Variants in PAPOLA observed in about 807,000 individuals in gnomAD.
The protein encoded by PAPOLA is poly(A) polymerase alpha.
Under a neutral mutation model 100.6 loss-of-function variants are expected in PAPOLA, and 15 were observed. The observed-to-expected ratio is 0.15, with a 90% CI of 0.10 to 0.23. The LOEUF (loss-of-function observed/expected upper bound fraction) is 0.23, where lower values mean the gene tolerates loss of function less well. Ranked by LOEUF, PAPOLA falls within the 10% of genes least tolerant of loss-of-function variation. The probability of loss-of-function intolerance (pLI) is 1.00; values close to 1 mark genes in which losing one functional copy is unlikely to be tolerated. For missense variants in PAPOLA, 533 were observed against 884.2 expected (o/e 0.60, Z 5.04); for synonymous variants, 293 against 300.0 (o/e 0.98, Z 0.24).
intron 7 of PAPOLA, 172 bp from the exon 8 acceptor site, chr14:96,532,159 T>A (rs1475348423): frequency 1.3e-5 from 18 of 1,388,456 alleles, no homozygotes; most frequent in Non-Finnish European, 1.7e-5. Flanking sequence ...CTTTATTGAA[T>A]TAGCTTTACT....
In PAPOLA at chr14:96,565,852, C is replaced by T. The variant is rs1345947131; in HGVS notation, c.*802C>T. On this transcript the variant is annotated 3_prime_UTR_variant, in exon 22 of 22. Coordinates refer to ENST00000216277, the MANE Select transcript of PAPOLA (RefSeq NM_032632.5). ...ACAAACAAACAAAAAAAGCTTCTTG[C>T]GCCTTTCCCTCCCCTGTTTTCTTCC... 8 of 398,484 alleles carry T rather than the reference C, an allele frequency of 2.0e-5. No individual in the cohort carries two copies. Among genetic ancestry groups the T allele is most frequent in the Admixed American group, 8.8e-5 (2 of 22,718 alleles). 24.7% of individuals were successfully genotyped at this position (398,484 alleles called of 1,614,324 possible). A position where few individuals can be genotyped will look rare whatever the true frequency, so the allele number is the denominator to read the frequency against.
At position 96,565,912 on chromosome 14, in the gene PAPOLA, T is replaced by TA. The variant is rs1490022914; in HGVS notation, c.*863dup. The TA allele has an allele frequency of 2.5e-6, 1 of 398,442 alleles. No homozygotes were observed. The highest frequency in any genetic ancestry group is 1.3e-4 in the South Asian group (1 of 7,858). The allele number at this position is 398,442 out of a possible 1,614,324, so 24.7% of individuals were successfully genotyped here. On this transcript the variant is annotated 3_prime_UTR_variant, in exon 22 of 22. Transcript: ENST00000216277. ...TTGCTTGTATGCACAAGGTAGGACT[T>TA]ACTTCGTAAGAAACAAAATGCCAGT...
intron 19 of PAPOLA, 30 bp downstream of exon 19, chr14:96,556,443 C>A: frequency 7.5e-7 from 1 of 1,338,518 alleles, no homozygotes; most frequent in Non-Finnish European, 1.1e-6. Context: ...ATTAGTTAGC[C>A]ATGGCAACAC....
chr14:96,519,135 T>C (rs1211590731), intron 1 of PAPOLA, among the ~76,000 whole-genome samples: 2 of 151,286 alleles, frequency 1.3e-5, no homozygotes, highest in Non-Finnish European at 2.9e-5. Flanking sequence ...CAGCATGTTA[T>C]CCAGGCTGGC....
intron 10 of PAPOLA, 186 bp downstream of exon 10, chr14:96,534,749 G>A (rs1899374871): frequency 1.4e-6 from 2 of 1,402,024 alleles, no homozygotes; most frequent in Non-Finnish European, 1.9e-6. Flanking sequence ...GCATAATTAT[G>A]TACCCTGTAA....
At position 96,535,935 on chromosome 14, in the gene PAPOLA, A is replaced by G. The variant is rs769438556; in HGVS notation, c.966A>G (p.Gln322=). The change falls in exon 11 of 22, where the codon CAA becomes CAG. Residue 322 remains glutamine, a synonymous_variant. Coordinates refer to ENST00000216277, the MANE Select transcript of PAPOLA (RefSeq NM_032632.5). ...LMPIITPAYP[Q]QNSTYNVSVS... is the part of the protein sequence containing the mutation. The stretch of plus-strand genomic sequence containing the variant: ...CTATAATTACACCAGCATACCCACA[A>G]CAGAACTCCACGTACAATGTGTCCG... The G allele has an allele frequency of 5.6e-6, 9 of 1,609,248 alleles. No individual in the cohort carries two copies. In the African/African-American group the frequency reaches 1.1e-4, roughly 19 times the overall value.
intron 3 of PAPOLA, among the ~76,000 whole-genome samples, chr14:96,522,331 C>G (rs1048507962): frequency 1.3e-5 from 2 of 151,734 alleles, no homozygotes; most frequent in Non-Finnish European, 2.9e-5. Context: ...CGTTGACCAG[C>G]TGGTCTCAAA....
Position 96,542,779 on chromosome 14 carries a change from G to A in PAPOLA, c.1175G>A (p.Gly392Asp), listed in dbSNP as rs1378103532. Reference protein sequence around the residue: ...PTEKQRLEWVGLVESKIRILV... With the variant: ...PTEKQRLEWVDLVESKIRILV... ...ACTAAGTGACATTTGTTCAGGGTGG[G>A]CTTGGTGGAATCAAAAATCCGAATC... The change falls in exon 14 of 22, where the codon GGC (glycine) becomes GAC (aspartate). Residue 392 changes from glycine to aspartate, a missense_variant. Coordinates refer to ENST00000216277, the MANE Select transcript of PAPOLA (RefSeq NM_032632.5). The A allele has an allele frequency of 6.2e-7, 1 of 1,608,940 alleles. No individual in the cohort carries two copies. Among genetic ancestry groups the A allele is most frequent in the Admixed American group, 1.7e-5 (1 of 58,562 alleles).
chr14:96,564,668 G>T (rs1902138503), intron 21 of PAPOLA, among the ~76,000 whole-genome samples: 1 of 151,974 alleles, frequency 6.6e-6, no homozygotes, highest in Non-Finnish European at 1.5e-5. Context: ...TATATGATAG[G>T]TGATTCTTAG....
intron 12 of PAPOLA, among the ~76,000 whole-genome samples, chr14:96,541,133 C>G (rs2140301584): frequency 6.6e-6 from 1 of 152,270 alleles, no homozygotes; most frequent in Admixed American, 6.5e-5. Flanking sequence ...TGTGATCCGC[C>G]CGCCTCGGCC....
intron 19 of PAPOLA, among the ~76,000 whole-genome samples, chr14:96,558,990 C>T (rs1901584917): frequency 6.6e-6 from 1 of 151,478 alleles, no homozygotes; most frequent in Admixed American, 6.6e-5. Flanking sequence ...ATTCCCTCCT[C>T]CATCCCTCCC....
At chr14:96,530,297 A>C (rs992220850) in intron 6 of PAPOLA, among the ~76,000 whole-genome samples, 9 of 152,266 alleles carry the variant, frequency 5.9e-5, no homozygotes, top group Admixed American at 5.2e-4. Context: ...AACTTAATAC[A>C]TCAAACTTGA....
At chr14:96,543,892 A>G (rs1031189135) in intron 14 of PAPOLA, among the ~76,000 whole-genome samples, 15 of 152,052 alleles carry the variant, frequency 9.9e-5, no homozygotes, top group Admixed American at 3.3e-4. Flanking sequence ...GTTCTTTAGA[A>G]TCATCATTAA....
At position 96,503,563 on chromosome 14, in the gene PAPOLA, A is replaced by G. The variant is rs376968065; in HGVS notation, c.8+963A>G. Among the ~76,000 whole-genome samples the G allele has an allele frequency of 3.3e-5, 5 of 151,640 alleles. No individual in the cohort carries two copies. The East Asian group carries it at 9.7e-4, about 29-fold the overall frequency. ...CAGCATTGTAGAGGCCTAAATAGTGAGACTGCATTTCTTCCATTTTTGAAT... is the reference window on the plus strand; with the variant it reads ...CAGCATTGTAGAGGCCTAAATAGTGGGACTGCATTTCTTCCATTTTTGAAT... On this transcript the variant is annotated intron_variant, in intron 1 of 21. Coordinates refer to ENST00000216277, the MANE Select transcript of PAPOLA (RefSeq NM_032632.5).
chr14:96,522,862 G>A lies in PAPOLA; in HGVS notation c.249+1790G>A, dbSNP rs1898116806. ...ACATAAATAGTGGTAATTTTTCCAG[G>A]GTAGTACAAAATCCGTGTTTAATCT... is the stretch of plus-strand genomic sequence containing the variant. On this transcript the variant is annotated intron_variant, in intron 3 of 21. Transcript: ENST00000216277. Among the ~76,000 whole-genome samples, 5 of 152,158 alleles carry A rather than the reference G, an allele frequency of 3.3e-5. No homozygotes were observed. The South Asian group carries it at 1.0e-3, about 32-fold the overall frequency.
At chr14:96,552,999 G>C (rs575142786) in intron 17 of PAPOLA, 1 of 167,490 alleles carries the variant, frequency 6.0e-6, no homozygotes, top group South Asian at 1.8e-4. Flanking sequence ...AACAGGGAAT[G>C]TGTCTATGAT....
At chr14:96,525,176 A>G (rs141932916) in intron 3 of PAPOLA, 134 bp from the exon 4 acceptor site, 361 of 568,760 alleles carry the variant, frequency 6.3e-4, no homozygotes, top group Non-Finnish European at 9.9e-4. Context: ...AAGAACTTTT[A>G]TAGACTTTGA....
chr14:96,516,862 G>A (rs1375760514), intron 1 of PAPOLA, among the ~76,000 whole-genome samples: 1 of 152,194 alleles, frequency 6.6e-6, no homozygotes, highest in African/African-American at 2.4e-5. Context: ...GTATTCTAAT[G>A]TTCTAGTGAG....
chr14:96,555,898 G>A lies in PAPOLA; in HGVS notation c.1716G>A (p.Gln572=). ...CAGCAGCATCTGTGACCAACATACA[G>A]GCTACTGAAGTTTCTGTGCCACAAG... ...AVTAASVTNI[Q]ATEVSVPQVN... Residue 572 remains glutamine, a synonymous_variant, in exon 18 of 22, where the codon CAG becomes CAA. Coordinates refer to ENST00000216277, the MANE Select transcript of PAPOLA (RefSeq NM_032632.5). The A allele has an allele frequency of 6.2e-7, 1 of 1,611,488 alleles. No individual in the cohort carries two copies. Among genetic ancestry groups the A allele is most frequent in the Non-Finnish European group, 8.5e-7 (1 of 1,178,162 alleles).
Sources: gnomAD v4.1 joint callset for allele counts (sites outside exome capture counted in the v4.1 genomes callset) on GRCh38, gnomAD v4.1.1 for gene constraint, MANE v1.5 for transcripts, NCBI Gene and HGNC (gene_info 2026-07-23, HGNC 2026-07-21) for gene names.